EEFSEC: variants seen among roughly 807,000 people sequenced by gnomAD.
EEFSEC encodes selenocysteine-specific elongation factor.
A neutral mutation model predicts 42.1 loss-of-function variants in EEFSEC; 43 were observed. The ratio of observed to expected loss-of-function variants is 1.02; its 90% CI spans 0.80 to 1.32. The LOEUF is 1.32. Ranked by LOEUF, EEFSEC falls within the 40% of genes most tolerant of loss-of-function variation. The pLI is 0.00. For missense variants in EEFSEC, 745 were observed against 803.6 expected (o/e 0.93, Z 0.88); for synonymous variants, 354 against 339.1 (o/e 1.04, Z -0.48).
At chr3:128,340,361 G>A (rs1013224576) in intron 4 of EEFSEC, among the ~76,000 whole-genome samples, 1 of 149,902 alleles carries the variant, frequency 6.7e-6, no homozygotes, top group Admixed American at 6.7e-5. Flanking sequence ...TATTAATGTA[G>A]ATTAATATTA....
chr3:128,232,070 C>G (rs1233559761), intron 1 of EEFSEC, among the ~76,000 whole-genome samples: 1 of 152,178 alleles, frequency 6.6e-6, no homozygotes, highest in Non-Finnish European at 1.5e-5. Context: ...CCCCCACCCC[C>G]AAGCCCCTCA....
rs367806763 is a variant in EEFSEC at position 128,213,668 on chromosome 3, C to T, written c.317-33168C>T. Reference sequence around the variant, plus strand: ...ATGTCTCACGGGGAGTGCCGGGCCACGTGAGGGAAGACCAGTGGACAGGCA... The same window carrying T: ...ATGTCTCACGGGGAGTGCCGGGCCATGTGAGGGAAGACCAGTGGACAGGCA... On this transcript the variant is annotated intron_variant, in intron 1 of 6. Coordinates refer to ENST00000254730, the MANE Select transcript of EEFSEC (RefSeq NM_021937.5). 3.1e-4 allele frequency among the ~76,000 whole-genome samples: 47 copies of T among 152,026 alleles called. No homozygotes were observed. The South Asian group carries it at 6.2e-3, about 20-fold the overall frequency.
intron 4 of EEFSEC, among the ~76,000 whole-genome samples, chr3:128,315,586 G>A (rs1478295250): frequency 6.6e-6 from 1 of 152,176 alleles, no homozygotes; most frequent in African/African-American, 2.4e-5. Flanking sequence ...AGGCCCAGGA[G>A]GGAGGGAGGG....
At chr3:128,300,399 C>T (rs960738471) in intron 4 of EEFSEC, among the ~76,000 whole-genome samples, 8 of 152,054 alleles carry the variant, frequency 5.3e-5, no homozygotes, top group African/African-American at 1.7e-4. Context: ...GTCAAGAGAT[C>T]GAGGCCAACA....
Position 128,165,694 on chromosome 3 carries a change from C to T in EEFSEC, c.316+11871C>T, listed in dbSNP as rs1237251044. 3.3e-5 allele frequency among the ~76,000 whole-genome samples: 5 copies of T among 152,196 alleles called. No individual in the cohort carries two copies. The East Asian group carries it at 9.6e-4, about 29-fold the overall frequency. On this transcript the variant is annotated intron_variant, in intron 1 of 6. Coordinates refer to ENST00000254730, the MANE Select transcript of EEFSEC (RefSeq NM_021937.5). Reference sequence around the variant, plus strand: ...ACTTCCTGAGGATATTTATTTGGTGCCATGCACAGGTGCTGCTTAAAGATA... The same window carrying T: ...ACTTCCTGAGGATATTTATTTGGTGTCATGCACAGGTGCTGCTTAAAGATA...
At chr3:128,404,953 T>A (rs986553403) in intron 6 of EEFSEC, among the ~76,000 whole-genome samples, 39 of 151,938 alleles carry the variant, frequency 2.6e-4, no homozygotes, top group Admixed American at 1.4e-3. Flanking sequence ...GGACCCTTTG[T>A]GCAGTGGGGC....
intron 1 of EEFSEC, among the ~76,000 whole-genome samples, chr3:128,215,956 A>G (rs1341704389): frequency 6.6e-6 from 1 of 152,050 alleles, no homozygotes; most frequent in Non-Finnish European, 1.5e-5. Flanking sequence ...CAGAGTTCCT[A>G]CTGTCTAAAC....
At chr3:128,243,112 C>T (rs891872694) in intron 1 of EEFSEC, among the ~76,000 whole-genome samples, 1 of 152,200 alleles carries the variant, frequency 6.6e-6, no homozygotes, top group Non-Finnish European at 1.5e-5. Flanking sequence ...CCCGGGTTTC[C>T]AGTGCTAGTC....
At chr3:128,180,163 A>G (rs1390675141) in intron 1 of EEFSEC, among the ~76,000 whole-genome samples, 4 of 152,198 alleles carry the variant, frequency 2.6e-5, no homozygotes, top group African/African-American at 9.7e-5. Context: ...TCTTGAAAAA[A>G]TCATTCACTG....
rs946257554 is a variant in EEFSEC, at chr3:128,206,488, T to C, written c.317-40348T>C. On this transcript the variant is annotated intron_variant, in intron 1 of 6. Coordinates refer to ENST00000254730, the MANE Select transcript of EEFSEC (RefSeq NM_021937.5). ...TTGGAGCAAGCCAGTCACTTCTGTC[T>C]GTGTGAGCACAGAACACAAATCTGT... Among the ~76,000 whole-genome samples, 3 of 152,318 alleles carry C rather than the reference T, an allele frequency of 2.0e-5. No individual in the cohort carries two copies. In the East Asian group the frequency reaches 5.8e-4, roughly 29 times the overall value.
intron 2 of EEFSEC, among the ~76,000 whole-genome samples, chr3:128,257,807 T>G (rs1471161492): frequency 6.6e-6 from 1 of 152,164 alleles, no homozygotes; most frequent in African/African-American, 2.4e-5. Flanking sequence ...TACTCACCTC[T>G]TGAGCGTGGC....
intron 6 of EEFSEC, among the ~76,000 whole-genome samples, chr3:128,400,714 A>T (rs900476178): frequency 6.6e-6 from 1 of 152,174 alleles, no homozygotes; most frequent in African/African-American, 2.4e-5. Flanking sequence ...GGCCCCCAAC[A>T]TGAAAGCAAC....
intron 1 of EEFSEC, among the ~76,000 whole-genome samples, chr3:128,206,819 C>G (rs2065701800): frequency 6.6e-6 from 1 of 152,190 alleles, no homozygotes; most frequent in South Asian, 2.1e-4. Context: ...GGGGACTTCA[C>G]TTTACTTCTG....
At chr3:128,205,302 C>CA (rs2065686422) in intron 1 of EEFSEC, among the ~76,000 whole-genome samples, 1 of 152,164 alleles carries the variant, frequency 6.6e-6, no homozygotes. Flanking sequence ...GACCCCTGCC[C>CA]AGTCTACTGA....
intron 4 of EEFSEC, among the ~76,000 whole-genome samples, chr3:128,311,566 T>C (rs1054767198): frequency 6.6e-6 from 1 of 152,226 alleles, no homozygotes; most frequent in Non-Finnish European, 1.5e-5. Context: ...TCTGCAGCCA[T>C]GCATGGGGAG....
At chr3:128,208,527 C>CCAAGG (rs1468045836) in intron 1 of EEFSEC, among the ~76,000 whole-genome samples, 1 of 152,094 alleles carries the variant, frequency 6.6e-6, no homozygotes, top group Non-Finnish European at 1.5e-5. Flanking sequence ...GTGTTAGTGC[C>CCAAGG]CAAGGCAATC....
intron 2 of EEFSEC, among the ~76,000 whole-genome samples, chr3:128,261,100 A>T (rs1446542088): frequency 6.6e-6 from 1 of 152,264 alleles, no homozygotes. Context: ...GGGTCGTACC[A>T]TTGTCCAGGT....
intron 4 of EEFSEC, among the ~76,000 whole-genome samples, chr3:128,285,279 G>T (rs1230141139): frequency 1.3e-5 from 2 of 152,154 alleles, no homozygotes; most frequent in Admixed American, 1.3e-4. Flanking sequence ...AGGTGCCTCT[G>T]GCGTGGGAGC....
chr3:128,315,341 T>C (rs901539062), intron 4 of EEFSEC, among the ~76,000 whole-genome samples: 2 of 152,224 alleles, frequency 1.3e-5, no homozygotes, highest in Non-Finnish European at 2.9e-5. Flanking sequence ...AAATGACTGC[T>C]GAGCCCTCTC....
Sources: allele counts gnomAD v4.1 joint callset (sites outside exome capture counted in the v4.1 genomes callset), GRCh38; gene constraint gnomAD v4.1.1; transcripts MANE v1.5; gene names NCBI Gene and HGNC (gene_info 2026-07-23, HGNC 2026-07-21).